The following ZC2HC1C variants were observed in gnomAD, a reference collection of about 807,000 sequenced individuals.
ZC2HC1C encodes zinc finger C2HC-type containing 1C.
Under a neutral mutation model 39.2 loss-of-function variants are expected in ZC2HC1C, and 25 were observed. The ratio of observed to expected loss-of-function variants is 0.64; its 90% confidence interval spans 0.47 to 0.89. The LOEUF (loss-of-function observed/expected upper bound fraction) is 0.89, where lower values mean the gene tolerates loss of function less well. Ranked by LOEUF, ZC2HC1C falls within the 40% of genes least tolerant of loss-of-function variation. The probability of loss-of-function intolerance (pLI) is 0.00; values close to 1 mark genes in which losing one functional copy is unlikely to be tolerated. For synonymous variants in ZC2HC1C, 209 were observed against 214.4 expected, an observed-to-expected ratio of 0.97 and a Z score of 0.22; for missense variants, 519 against 548.6, an observed-to-expected ratio of 0.95 and a Z score of 0.54.
At chr14:75,073,270 G>C (rs573205256) in intron 2 of ZC2HC1C, among the ~76,000 whole-genome samples, 1 of 152,292 alleles carries the variant, frequency 6.6e-6, no homozygotes, top group South Asian at 2.1e-4. Context: ...ATAATAATAT[G>C]ATCACCACTT....
chr14:75,071,612 G>A lies in ZC2HC1C; in HGVS notation c.1039G>A (p.Val347Met), dbSNP rs769358727. ...TCGAGACCCAGTCTCAGAGCCATCG[G>A]TGGAGAAATTCTCCCCGCCTTCAGA... ...KIRDPVSEPS[V>M]EKFSPPSETP... Residue 347 changes from valine (V) to methionine (M), a missense_variant, in exon 2 of 3, where the codon GTG (valine) becomes ATG (methionine). Coordinates refer to ENST00000524913, the MANE Select transcript of ZC2HC1C (RefSeq NM_024643.4). 2.1e-5 allele frequency: 34 copies of A among 1,614,054 alleles called. 1 individual carries two copies. The Middle Eastern group carries it at 6.6e-4, about 31-fold the overall frequency.
chr14:75,071,150 C>A lies in ZC2HC1C; in HGVS notation c.577C>A (p.Leu193Ile). Residue 193 changes from leucine to isoleucine, a missense_variant, in exon 2 of 3, where the codon CTT becomes ATT. Physicochemically the swap from Leu to Ile is conservative, Grantham distance 5. Transcript: ENST00000524913. ...QGNFSVVGTV[L>I]AATQAEKAVA... ...CAACTTTTCTGTGGTTGGTACTGTT[C>A]TTGCTGCCACGCAGGCGGAGAAGGC... 6.2e-7 allele frequency: 1 copy of A among 1,614,174 alleles called. No homozygotes were observed. Among genetic ancestry groups the A allele is most frequent in the Non-Finnish European group, 8.5e-7 (1 of 1,180,032 alleles).
intron 2 of ZC2HC1C, among the ~76,000 whole-genome samples, chr14:75,076,261 T>G (rs191668738): frequency 1.3e-5 from 2 of 152,132 alleles, no homozygotes; most frequent in African/African-American, 4.8e-5. Flanking sequence ...TTACAACATT[T>G]CTATTTATTT....
intron 2 of ZC2HC1C, among the ~76,000 whole-genome samples, chr14:75,076,196 T>C (rs1893660091): frequency 6.6e-6 from 1 of 152,226 alleles, no homozygotes; most frequent in South Asian, 2.1e-4. Context: ...ATCTTTTCTT[T>C]TTACTTTCCA....
At chr14:75,076,425 C>A (rs911875188) in intron 2 of ZC2HC1C, among the ~76,000 whole-genome samples, 1 of 152,084 alleles carries the variant, frequency 6.6e-6, no homozygotes, top group Admixed American at 6.5e-5. Flanking sequence ...TGTGCCACCA[C>A]GCCCAGCTAA....
intron 2 of ZC2HC1C, among the ~76,000 whole-genome samples, chr14:75,074,729 G>A (rs1367800853): frequency 2.0e-5 from 3 of 151,994 alleles, no homozygotes; most frequent in Non-Finnish European, 4.4e-5. Context: ...GTGCCACCAC[G>A]CCCGGCTAAT....
chr14:75,071,221 A>G lies in ZC2HC1C; in HGVS notation c.648A>G (p.Leu216=). Residue 216 remains leucine (L), a synonymous_variant, in exon 2 of 3, where the codon CTA becomes CTG. Coordinates refer to ENST00000524913, the MANE Select transcript of ZC2HC1C (RefSeq NM_024643.4). ...DRTEWVQIRR[L]EAAGESLEEE... ...CGGAGTGGGTGCAGATCCGAAGACTAGAAGCTGCAGGGGAGAGCTTAGAGG... is the reference window on the plus strand; with the variant it reads ...CGGAGTGGGTGCAGATCCGAAGACTGGAAGCTGCAGGGGAGAGCTTAGAGG... 6.2e-7 allele frequency: 1 copy of G among 1,614,210 alleles called. No individual in the cohort carries two copies. The highest frequency in any genetic ancestry group is 8.5e-7 in the Non-Finnish European group (1 of 1,180,040).
intron 2 of ZC2HC1C, 31 bp downstream of exon 2, chr14:75,071,942 G>C (rs777359181): frequency 6.5e-7 from 1 of 1,545,642 alleles, no homozygotes; most frequent in African/African-American, 1.4e-5. Flanking sequence ...GTGACTTGGT[G>C]TGGTGATCAT....
At chr14:75,070,453 A>C in intron 1 of ZC2HC1C, 102 bp from the exon 2 acceptor site, 7 of 1,374,068 alleles carry the variant, frequency 5.1e-6, no homozygotes, top group African/African-American at 1.4e-5. Flanking sequence ...AGAAAAGTTT[A>C]AGGGAATGTG....
At chr14:75,070,132 A>G (rs1347612982) in intron 1 of ZC2HC1C, among the ~76,000 whole-genome samples, 1 of 152,146 alleles carries the variant, frequency 6.6e-6, no homozygotes, top group Non-Finnish European at 1.5e-5. Context: ...TCTCACCTGT[A>G]AAATGGTGAG....
At chr14:75,072,434 A>G (rs1893471298) in intron 2 of ZC2HC1C, among the ~76,000 whole-genome samples, 1 of 152,228 alleles carries the variant, frequency 6.6e-6, no homozygotes, top group African/African-American at 2.4e-5. Flanking sequence ...CAGTGTTAAC[A>G]TAGCTTCTTA....
rs1189343566 is a variant in ZC2HC1C, at chr14:75,077,886, A to G, written c.*322A>G. The G allele has an allele frequency of 3.3e-6, 1 of 303,172 alleles. No individual in the cohort carries two copies. The highest frequency in any genetic ancestry group is 6.2e-6 in the Non-Finnish European group (1 of 161,090). The allele number at this position is 303,172 out of a possible 1,614,324, so 18.8% of individuals were successfully genotyped here. A position where few individuals can be genotyped will look rare whatever the true frequency, so the allele number is the denominator to read the frequency against. ...GTAGAATTTGATGCAAAGCAGAAAGAAATCAAACAGCTCCCAGATCTGCCT... is the reference window on the plus strand; with the variant it reads ...GTAGAATTTGATGCAAAGCAGAAAGGAATCAAACAGCTCCCAGATCTGCCT... On this transcript the variant is annotated 3_prime_UTR_variant, in exon 3 of 3. Transcript: ENST00000524913.
At position 75,071,424 on chromosome 14, in the gene ZC2HC1C, C is replaced by G. The variant is rs1893403082; in HGVS notation, c.851C>G (p.Pro284Arg). 2 of 1,614,158 alleles carry G rather than the reference C, an allele frequency of 1.2e-6. No homozygotes were observed. The highest frequency in any genetic ancestry group is 2.7e-5 in the African/African-American group (2 of 75,044). The change falls in exon 2 of 3, where the codon CCT (proline) becomes CGT (arginine). Residue 284 changes from proline to arginine, a missense_variant. By Grantham distance (103) the Pro-to-Arg change is moderately radical. Coordinates refer to ENST00000524913, the MANE Select transcript of ZC2HC1C (RefSeq NM_024643.4). ...KGNKSNTMYK[P>R]IFSPEFEFEE... ...AATAAAAGCAACACCATGTACAAAC[C>G]TATCTTCTCCCCAGAATTTGAGTTT...
intron 2 of ZC2HC1C, among the ~76,000 whole-genome samples, chr14:75,075,105 C>G (rs78310230): frequency 6.6e-6 from 1 of 152,208 alleles, no homozygotes; most frequent in Non-Finnish European, 1.5e-5. Flanking sequence ...TCATTTCCTT[C>G]ATTTTCTACA....
chr14:75,073,802 G>A (rs1003698864), intron 2 of ZC2HC1C, among the ~76,000 whole-genome samples: 6 of 152,136 alleles, frequency 3.9e-5, no homozygotes, highest in Non-Finnish European at 7.3e-5. Flanking sequence ...TAAAATTATA[G>A]GAATTAGAGT....
intron 2 of ZC2HC1C, among the ~76,000 whole-genome samples, chr14:75,073,244 C>G (rs1050447682): frequency 1.3e-5 from 2 of 152,182 alleles, no homozygotes; most frequent in Non-Finnish European, 2.9e-5. Context: ...AAGAAATCAG[C>G]ATTTTGCTCT....
At chr14:75,070,375 C>T (rs1893303994) in intron 1 of ZC2HC1C, among the ~76,000 whole-genome samples, 180 bp from the exon 2 acceptor site, 1 of 152,172 alleles carries the variant, frequency 6.6e-6, no homozygotes, top group East Asian at 1.9e-4. Context: ...AACACAGTGT[C>T]TTGTGCATAA....
At chr14:75,072,620 A>G (rs1893480128) in intron 2 of ZC2HC1C, among the ~76,000 whole-genome samples, 2 of 152,230 alleles carry the variant, frequency 1.3e-5, no homozygotes, top group Non-Finnish European at 2.9e-5. Context: ...TGACACTTAC[A>G]TGATAAATTT....
rs1021086496 is a variant in ZC2HC1C at position 75,071,777 on chromosome 14, A to G, written c.1204A>G (p.Arg402Gly). The G allele has an allele frequency of 3.1e-6, 5 of 1,614,042 alleles. No homozygotes were observed. The African/African-American group carries it at 6.7e-5, about 22-fold the overall frequency. ...CTGTGGGCGCAAATTCCTCTCGTTC[A>G]GGCTGGAGAGACACTCCAACATCTG... ...SHCGRKFLSFRLERHSNICSR... is the reference protein window; with the variant it reads ...SHCGRKFLSFGLERHSNICSR... The change falls in exon 2 of 3, where the codon AGG becomes GGG. Residue 402 changes from arginine (R) to glycine (G), a missense_variant. Physicochemically the swap from Arg to Gly is moderately radical, Grantham distance 125. Coordinates refer to ENST00000524913, the MANE Select transcript of ZC2HC1C (RefSeq NM_024643.4).
Sources: allele counts gnomAD v4.1 joint callset (sites outside exome capture counted in the v4.1 genomes callset), GRCh38; gene constraint gnomAD v4.1.1; transcripts MANE v1.5; gene names NCBI Gene and HGNC (gene_info 2026-07-23, HGNC 2026-07-21).